Variants in RAB31 observed in about 807,000 individuals in gnomAD.
The protein encoded by RAB31 is ras-related protein Rab-31.
In RAB31, 21 loss-of-function variants were observed where a neutral mutation model predicts 25.6. The ratio of observed to expected loss-of-function variants is 0.82; its 90% CI spans 0.58 to 1.18. The LOEUF is 1.18. Ranked by LOEUF, RAB31 falls within the 50% of genes most tolerant of loss-of-function variation. RAB31 has a pLI of 0.00. For missense variants in RAB31, 196 were observed against 250.1 expected (o/e 0.78, Z 1.46); for synonymous variants, 87 against 84.0 (o/e 1.04, Z -0.20).
intron 1 of RAB31, among the ~76,000 whole-genome samples, chr18:9,716,274 G>C (rs1432468039): frequency 2.0e-5 from 3 of 152,110 alleles, no homozygotes; most frequent in African/African-American, 7.2e-5. Flanking sequence ...CATTGTTTGG[G>C]TGAGAATACA....
intron 3 of RAB31, among the ~76,000 whole-genome samples, chr18:9,807,463 T>C (rs2068547785): frequency 6.6e-6 from 1 of 152,100 alleles, no homozygotes; most frequent in Non-Finnish European, 1.5e-5. Context: ...ATGATGCGAA[T>C]AGACATACCT....
chr18:9,779,885 T>G (rs562323376), intron 2 of RAB31, among the ~76,000 whole-genome samples: 1 of 152,280 alleles, frequency 6.6e-6, no homozygotes, highest in Admixed American at 6.5e-5. Context: ...TTATAAAAGT[T>G]CATGTTCGAC....
At chr18:9,782,465 C>T (rs566323375) in intron 2 of RAB31, among the ~76,000 whole-genome samples, 1 of 152,234 alleles carries the variant, frequency 6.6e-6, no homozygotes, top group African/African-American at 2.4e-5. Context: ...TATGGCCTCT[C>T]TGACTCACAC....
intron 6 of RAB31, among the ~76,000 whole-genome samples, chr18:9,856,511 A>G (rs1415173771): frequency 6.6e-6 from 1 of 152,234 alleles, no homozygotes; most frequent in Non-Finnish European, 1.5e-5. Context: ...AAAACAAGAC[A>G]TGAGGGAAAT....
rs2068170084 is a variant in RAB31 at position 9,740,025 on chromosome 18, G to A, written c.39+31581G>A. ...GATCTGCAAACTTGGAGCTGATTCT[G>A]ACCTCAGACCCTGGGGTGACGAGAG... On this transcript the variant is annotated intron_variant, in intron 1 of 6. Transcript: ENST00000578921. 1.3e-5 allele frequency among the ~76,000 whole-genome samples: 2 copies of A among 152,210 alleles called. 1 individual carries two copies. Among genetic ancestry groups the A allele is most frequent in the Admixed American group, 1.3e-4 (2 of 15,280 alleles).
chr18:9,848,919 A>G (rs961434996), intron 6 of RAB31, among the ~76,000 whole-genome samples: 2 of 152,208 alleles, frequency 1.3e-5, no homozygotes, highest in African/African-American at 4.8e-5. Flanking sequence ...TTACAAAAAT[A>G]TGTTATCTTT....
At chr18:9,838,109 A>G (rs1485621997) in intron 5 of RAB31, among the ~76,000 whole-genome samples, 2 of 152,184 alleles carry the variant, frequency 1.3e-5, no homozygotes, top group African/African-American at 4.8e-5. Flanking sequence ...AGCACTTTAT[A>G]ATATCAACCT....
intron 2 of RAB31, among the ~76,000 whole-genome samples, chr18:9,777,499 A>G (rs2145492032): frequency 6.6e-6 from 1 of 152,264 alleles, no homozygotes; most frequent in South Asian, 2.1e-4. Flanking sequence ...GTCTCCCAAC[A>G]TAGGCGCGCT....
At chr18:9,730,905 G>A (rs761398084) in intron 1 of RAB31, among the ~76,000 whole-genome samples, 1 of 152,234 alleles carries the variant, frequency 6.6e-6, no homozygotes, top group African/African-American at 2.4e-5. Flanking sequence ...CTGGTGGAGA[G>A]AGGGAAGAGG....
intron 5 of RAB31, among the ~76,000 whole-genome samples, chr18:9,837,570 C>T (rs1450489393): frequency 2.6e-5 from 4 of 152,054 alleles, no homozygotes; most frequent in Non-Finnish European, 4.4e-5. Flanking sequence ...TTACAAGGGG[C>T]TAGGTTCCAT....
intron 2 of RAB31, 67 bp downstream of exon 2, chr18:9,775,424 C>T (rs1179904816): frequency 2.5e-6 from 4 of 1,600,678 alleles, no homozygotes; most frequent in Non-Finnish European, 3.4e-6. Flanking sequence ...ACCACTCTGT[C>T]TGTGCCTGAG....
chr18:9,792,331 G>A, intron 3 of RAB31, 96 bp downstream of exon 3: 1 of 1,486,386 alleles, frequency 6.7e-7, no homozygotes, highest in Non-Finnish European at 9.0e-7. Context: ...CTTGGTTGCA[G>A]GTGACAGAAA....
rs1257571524 is a variant in RAB31, at chr18:9,795,138, G to A, written c.201+2903G>A. On this transcript the variant is annotated intron_variant, in intron 3 of 6. Coordinates refer to ENST00000578921, the MANE Select transcript of RAB31 (RefSeq NM_006868.4). ...CAAAACAAACAAAAACATAAAGTGG[G>A]AAATGGACATCCTATTCAACAAATG... Among the ~76,000 whole-genome samples the A allele has an allele frequency of 2.0e-5, 3 of 152,186 alleles. No individual in the cohort carries two copies. The East Asian group carries it at 5.8e-4, about 29-fold the overall frequency.
At chr18:9,833,086 C>T (rs1041188235) in intron 5 of RAB31, among the ~76,000 whole-genome samples, 2 of 152,164 alleles carry the variant, frequency 1.3e-5, no homozygotes, top group African/African-American at 4.8e-5. Context: ...CTTGCAACCA[C>T]TACAAGAAGA....
At chr18:9,712,164 A>G (rs1002370670) in intron 1 of RAB31, among the ~76,000 whole-genome samples, 5 of 152,242 alleles carry the variant, frequency 3.3e-5, no homozygotes, top group Non-Finnish European at 5.9e-5. Context: ...ATGCTCCCAC[A>G]TGGGATGGAT....
chr18:9,859,410 G>C lies in RAB31; in HGVS notation c.*85G>C. On this transcript the variant is annotated 3_prime_UTR_variant, in exon 7 of 7. Transcript: ENST00000578921. ...GAAGGACCCTACGCTCGGTGGCCTG[G>C]CACCTCACTTTGAGAAGAGTGAGCA... The C allele has an allele frequency of 1.6e-6, 2 of 1,214,252 alleles. No homozygotes were observed. The highest frequency in any genetic ancestry group is 2.4e-6 in the Non-Finnish European group (2 of 849,136). The allele number at this position is 1,214,252 out of a possible 1,614,324, so 75.2% of individuals were successfully genotyped here. A position where few individuals can be genotyped will look rare whatever the true frequency, so the allele number is the denominator to read the frequency against.
intron 1 of RAB31, among the ~76,000 whole-genome samples, chr18:9,765,965 G>A (rs2068313946): frequency 6.6e-6 from 1 of 151,254 alleles, no homozygotes; most frequent in African/African-American, 2.4e-5. Context: ...GTGGGGGAGA[G>A]TGGGTGGGAG....
At chr18:9,839,446 G>A (rs1176521000) in intron 5 of RAB31, among the ~76,000 whole-genome samples, 1 of 152,158 alleles carries the variant, frequency 6.6e-6, no homozygotes, top group Non-Finnish European at 1.5e-5. Context: ...CCCCACCATG[G>A]GCACATGGAT....
chr18:9,790,409 T>C lies in RAB31; in HGVS notation c.120-1745T>C, dbSNP rs552763780. Among the ~76,000 whole-genome samples the C allele has an allele frequency of 6.5e-4, 99 of 152,168 alleles. 1 individual carries two copies. Among genetic ancestry groups the C allele is most frequent in the African/African-American group, 2.2e-3 (93 of 41,538 alleles). ...TCAGCTGATTTAAAAAAAAAAATTT[T>C]TTTTTTTGTAAAGAAGGAGTCTTGC... On this transcript the variant is annotated intron_variant, in intron 2 of 6. Transcript: ENST00000578921.
Sources: allele counts gnomAD v4.1 joint callset (sites outside exome capture counted in the v4.1 genomes callset), GRCh38; gene constraint gnomAD v4.1.1; transcripts MANE v1.5; gene names NCBI Gene and HGNC (gene_info 2026-07-23, HGNC 2026-07-21).